LRRC42: variants seen among roughly 807,000 people sequenced by gnomAD.
The protein encoded by LRRC42 is leucine-rich repeat-containing protein 42.
Under a neutral mutation model 44.3 loss-of-function variants are expected in LRRC42, and 43 were observed. The observed-to-expected ratio is 0.97, with a 90% CI of 0.76 to 1.25. The LOEUF is 1.25. Ranked by LOEUF, LRRC42 falls within the 50% of genes most tolerant of loss-of-function variation. The pLI is 0.00. For missense variants in LRRC42, 540 were observed against 509.1 expected (o/e 1.06, Z -0.58); for synonymous variants, 207 against 195.2 (o/e 1.06, Z -0.50).
intron 4 of LRRC42, among the ~76,000 whole-genome samples, chr1:53,958,691 A>G (rs577925413): frequency 1.6e-4 from 24 of 151,616 alleles, no homozygotes; most frequent in East Asian, 9.8e-4. Flanking sequence ...GGTTCAAGCA[A>G]TTCTCCTGCG....
In LRRC42 at chr1:53,967,972, C is replaced by G. The variant is rs1481135818; in HGVS notation, c.*33C>G. On this transcript the variant is annotated 3_prime_UTR_variant, in exon 9 of 9. Coordinates refer to ENST00000371370, the MANE Select transcript of LRRC42 (RefSeq NM_001256409.2). ...ATACAAGTTGACCTTTCTCTGGCCC[C>G]CAGCTCTAGTGTTTGAGTAAAGGAG... 2 of 1,594,558 alleles carry G rather than the reference C, an allele frequency of 1.3e-6. No individual in the cohort carries two copies. Among genetic ancestry groups the G allele is most frequent in the Non-Finnish European group, 1.7e-6 (2 of 1,168,402 alleles).
Position 53,962,307 on chromosome 1 carries a change from C to T in LRRC42, c.825C>T (p.Thr275=), listed in dbSNP as rs150394382. The change falls in exon 7 of 9, where the codon ACC becomes ACT. Residue 275 remains threonine (T), a synonymous_variant. Coordinates refer to ENST00000371370, the MANE Select transcript of LRRC42 (RefSeq NM_001256409.2). ...ISGTGLKDIK[T]VKHKLQTHIG... The stretch of plus-strand genomic sequence containing the variant: ...CTCTGCCTCACTAGGACATCAAAAC[C>T]GTCAAGCACAAGCTCCAGACCCACA... The T allele has an allele frequency of 1.9e-6, 3 of 1,613,454 alleles. No individual in the cohort carries two copies. Among genetic ancestry groups the T allele is most frequent in the South Asian group, 1.1e-5 (1 of 91,062 alleles).
chr1:53,952,133 G>A lies in LRRC42; in HGVS notation c.134G>A (p.Arg45Lys), dbSNP rs1374088532. 1 of 1,614,186 alleles carries A rather than the reference G, an allele frequency of 6.2e-7. No individual in the cohort carries two copies. The part of the protein sequence containing the change: ...RSSLQKPRPF[R>K]LFPKGFSVEL... Reference sequence around the variant, plus strand: ...AGCCTGCAGAAGCCAAGGCCTTTCAGACTGTTCCCCAAAGGCTTTTCTGTG... The same window carrying A: ...AGCCTGCAGAAGCCAAGGCCTTTCAAACTGTTCCCCAAAGGCTTTTCTGTG... Residue 45 changes from arginine (R) to lysine (K), a missense_variant, in exon 3 of 9, where the codon AGA becomes AAA. Coordinates refer to ENST00000371370, the MANE Select transcript of LRRC42 (RefSeq NM_001256409.2).
rs759532404 is a variant in LRRC42, at chr1:53,967,948, T to C, written c.*9T>C. 1 of 1,607,446 alleles carries C rather than the reference T, an allele frequency of 6.2e-7. No individual in the cohort carries two copies. The highest frequency in any genetic ancestry group is 1.3e-5 in the African/African-American group (1 of 74,658). On this transcript the variant is annotated 3_prime_UTR_variant, in exon 9 of 9. Transcript: ENST00000371370. ...TGTTAAATTCCTATTGATTAGTAGA[T>C]ACAAGTTGACCTTTCTCTGGCCCCC... is the stretch of plus-strand genomic sequence containing the variant.
intron 4 of LRRC42, among the ~76,000 whole-genome samples, chr1:53,959,295 G>A (rs1188311907): frequency 6.6e-6 from 1 of 152,292 alleles, no homozygotes; most frequent in South Asian, 2.1e-4. Flanking sequence ...TTCTTTTCAG[G>A]AGTCATGATT....
rs768778897 is a variant in LRRC42, at chr1:53,962,406, C to T, written c.924C>T (p.Asp308=). 2.9e-5 allele frequency: 46 copies of T among 1,595,688 alleles called. No homozygotes were observed. The highest frequency in any genetic ancestry group is 3.9e-5 in the Non-Finnish European group (45 of 1,163,530). Residue 308 remains aspartate, a synonymous_variant, in exon 7 of 9, where the codon GAC becomes GAT. Coordinates refer to ENST00000371370, the MANE Select transcript of LRRC42 (RefSeq NM_001256409.2). ...ACTGCAAGACAGAGGGCTGGGCTGA[C>T]CAGGTACTCCAGATTTTTCTTCCTT... ...HSNCKTEGWA[D]QIVLQWERVT...
At chr1:53,964,668 G>A (rs745791261) in intron 7 of LRRC42, among the ~76,000 whole-genome samples, 7 of 152,086 alleles carry the variant, frequency 4.6e-5, no homozygotes, top group Non-Finnish European at 8.8e-5. Flanking sequence ...TATTTATTAA[G>A]TGCCTTTTGT....
At chr1:53,966,169 G>A in intron 7 of LRRC42, 127 bp from the exon 8 acceptor site, 1 of 675,790 alleles carries the variant, frequency 1.5e-6, no homozygotes, top group Non-Finnish European at 2.6e-6. Flanking sequence ...CTTATCACCA[G>A]TCATCTGAAG....
chr1:53,955,754 G>A (rs1017879116), intron 3 of LRRC42, among the ~76,000 whole-genome samples: 6 of 149,068 alleles, frequency 4.0e-5, no homozygotes, highest in Middle Eastern at 3.4e-3. Context: ...TCAGCCTCCC[G>A]AGTAGCTGGG....
chr1:53,954,013 A>G (rs1367610162), intron 3 of LRRC42, among the ~76,000 whole-genome samples: 2 of 152,178 alleles, frequency 1.3e-5, no homozygotes, highest in Non-Finnish European at 1.5e-5. Flanking sequence ...GATTACAGGC[A>G]TGAGCCCCCA....
chr1:53,961,515 T>C (rs1270465152), intron 5 of LRRC42, among the ~76,000 whole-genome samples: 1 of 152,244 alleles, frequency 6.6e-6, no homozygotes, highest in East Asian at 1.9e-4. Context: ...ACTACGCTTA[T>C]GGCCTTGAGG....
intron 4 of LRRC42, among the ~76,000 whole-genome samples, chr1:53,959,834 C>T (rs1336753953): frequency 6.6e-6 from 1 of 152,104 alleles, no homozygotes; most frequent in South Asian, 2.1e-4. Context: ...CAACAATATA[C>T]CTTTAGTGCC....
At chr1:53,966,882 T>G (rs1246832371) in intron 8 of LRRC42, among the ~76,000 whole-genome samples, 1 of 151,946 alleles carries the variant, frequency 6.6e-6, no homozygotes, top group African/African-American at 2.4e-5. Flanking sequence ...GTACCTAGAA[T>G]AGTTAGATTC....
At chr1:53,958,045 T>C (rs1557646395) in intron 3 of LRRC42, 104 bp from the exon 4 acceptor site, 2 of 1,453,296 alleles carry the variant, frequency 1.4e-6, no homozygotes, top group East Asian at 2.3e-5. Context: ...CATAGTACTG[T>C]GTCCTGATGG....
intron 5 of LRRC42, among the ~76,000 whole-genome samples, chr1:53,961,413 A>G (rs1654992456): frequency 2.0e-5 from 3 of 151,828 alleles, no homozygotes; most frequent in Non-Finnish European, 4.4e-5. Context: ...TCTGTCTCAA[A>G]AAAAAAAAAG....
chr1:53,961,238 T>C (rs909311981), intron 5 of LRRC42, among the ~76,000 whole-genome samples: 1 of 151,988 alleles, frequency 6.6e-6, no homozygotes, highest in African/African-American at 2.4e-5. Flanking sequence ...TGAAACCCCG[T>C]CTCTACTAAA....
intron 2 of LRRC42, among the ~76,000 whole-genome samples, chr1:53,950,664 A>G (rs1654650964): frequency 1.3e-5 from 2 of 152,234 alleles, no homozygotes; most frequent in African/African-American, 4.8e-5. Context: ...TAAATTGTAG[A>G]AATAATCCTC....
chr1:53,960,624 C>A, intron 5 of LRRC42, 150 bp downstream of exon 5: 1 of 624,590 alleles, frequency 1.6e-6, no homozygotes, highest in Non-Finnish European at 2.7e-6. Context: ...GGATTGAGGC[C>A]AAAGACTCTT....
intron 3 of LRRC42, 110 bp from the exon 4 acceptor site, chr1:53,958,039 G>T: frequency 7.1e-7 from 1 of 1,399,450 alleles, no homozygotes; most frequent in South Asian, 1.4e-5. Flanking sequence ...TTATTCCATA[G>T]TACTGTGTCC....
Sources: allele counts gnomAD v4.1 joint callset (sites outside exome capture counted in the v4.1 genomes callset), GRCh38; gene constraint gnomAD v4.1.1; transcripts MANE v1.5; gene names NCBI Gene and HGNC (gene_info 2026-07-23, HGNC 2026-07-21).